The following SPTLC3 variants were observed in gnomAD, a reference collection of about 807,000 sequenced individuals.
The protein encoded by SPTLC3 is serine palmitoyltransferase long chain base subunit 3.
In SPTLC3, 36 loss-of-function variants were observed where a neutral mutation model predicts 59.3. The observed-to-expected ratio is 0.61, with a 90% confidence interval of 0.47 to 0.80. The LOEUF is 0.80. Among genes scored for constraint, SPTLC3 ranks in the 30% least tolerant of loss-of-function variants. SPTLC3 has a pLI of 0.00. For synonymous variants in SPTLC3, 257 were observed against 240.8 expected, an observed-to-expected ratio of 1.07 and a Z score of -0.62; for missense variants, 625 against 685.1, an observed-to-expected ratio of 0.91 and a Z score of 0.98.
At chr20:13,125,799 C>T (rs2037975289) in intron 8 of SPTLC3, among the ~76,000 whole-genome samples, 1 of 152,220 alleles carries the variant, frequency 6.6e-6, no homozygotes, top group South Asian at 2.1e-4. Context: ...AGAACCACCA[C>T]ACCATCACCT....
chr20:13,079,838 A>G, intron 4 of SPTLC3: 1 of 459,934 alleles, frequency 2.2e-6, no homozygotes, highest in Non-Finnish European at 4.5e-6. Flanking sequence ...CTGGTCATGG[A>G]AAATGGGCAG....
intron 4 of SPTLC3, among the ~76,000 whole-genome samples, chr20:13,087,407 G>A (rs1309438116): frequency 1.3e-5 from 2 of 152,130 alleles, no homozygotes; most frequent in African/African-American, 4.8e-5. Flanking sequence ...TATCAAGTTG[G>A]CAAAGTGTGG....
At chr20:13,098,894 A>G (rs1041673183) in intron 6 of SPTLC3, among the ~76,000 whole-genome samples, 3 of 152,166 alleles carry the variant, frequency 2.0e-5, no homozygotes, top group South Asian at 2.1e-4. Context: ...TGCCCTTCCC[A>G]ACTAATTGAG....
intron 10 of SPTLC3, among the ~76,000 whole-genome samples, chr20:13,155,617 G>A (rs2038750073): frequency 6.6e-6 from 1 of 152,088 alleles, no homozygotes; most frequent in Non-Finnish European, 1.5e-5. Context: ...ATGAGGTCAG[G>A]AGATCGAAAC....
At chr20:13,126,351 A>G (rs2037989914) in intron 8 of SPTLC3, among the ~76,000 whole-genome samples, 1 of 152,116 alleles carries the variant, frequency 6.6e-6, no homozygotes, top group African/African-American at 2.4e-5. Context: ...TTAAAGTTCA[A>G]CTCCAAACCT....
intron 2 of SPTLC3, among the ~76,000 whole-genome samples, chr20:13,068,313 A>G (rs996293659): frequency 1.4e-4 from 21 of 152,322 alleles, no homozygotes; most frequent in Admixed American, 1.0e-3. Flanking sequence ...AGCCATTTGT[A>G]TAGAAAGCAA....
At chr20:13,049,320 T>G (rs749562905) in intron 2 of SPTLC3, 190 bp downstream of exon 2, 10 of 618,590 alleles carry the variant, frequency 1.6e-5, no homozygotes, top group South Asian at 1.5e-4. Flanking sequence ...TACAAACATC[T>G]CATGGGCAAC....
At chr20:13,082,169 G>A (rs1372603811) in intron 4 of SPTLC3, among the ~76,000 whole-genome samples, 1 of 152,140 alleles carries the variant, frequency 6.6e-6, no homozygotes, top group African/African-American at 2.4e-5. Context: ...AAACAATGTT[G>A]AAACTCATAG....
intron 2 of SPTLC3, among the ~76,000 whole-genome samples, chr20:13,068,160 T>A (rs544435803): frequency 6.6e-6 from 1 of 152,306 alleles, no homozygotes; most frequent in East Asian, 1.9e-4. Flanking sequence ...CGTACAAATA[T>A]AAAGATTGAA....
intron 1 of SPTLC3, among the ~76,000 whole-genome samples, chr20:13,036,734 T>A (rs1986752062): frequency 6.6e-6 from 1 of 152,064 alleles, no homozygotes; most frequent in African/African-American, 2.4e-5. Context: ...CAGAGTTGAT[T>A]TGGGACATAA....
intron 1 of SPTLC3, among the ~76,000 whole-genome samples, chr20:13,015,124 C>T (rs1266771967): frequency 6.6e-6 from 1 of 152,052 alleles, no homozygotes; most frequent in African/African-American, 2.4e-5. Context: ...ATCTAATGGG[C>T]TAATCATCAT....
intron 6 of SPTLC3, among the ~76,000 whole-genome samples, chr20:13,094,904 A>T (rs1304553747): frequency 6.6e-6 from 1 of 152,210 alleles, no homozygotes; most frequent in Non-Finnish European, 1.5e-5. Flanking sequence ...GCTTAATGTC[A>T]TTCAAAATAC....
At chr20:13,065,723 T>C (rs1456599633) in intron 2 of SPTLC3, among the ~76,000 whole-genome samples, 2 of 151,982 alleles carry the variant, frequency 1.3e-5, no homozygotes, top group African/African-American at 4.8e-5. Context: ...TTATACTTAG[T>C]ACAGTTGTTT....
intron 6 of SPTLC3, among the ~76,000 whole-genome samples, chr20:13,095,532 G>C (rs1401021263): frequency 6.6e-6 from 1 of 152,120 alleles, no homozygotes. Flanking sequence ...GACCAACTGG[G>C]AGACTAAACG....
At chr20:13,044,592 T>C (rs879167299) in intron 1 of SPTLC3, among the ~76,000 whole-genome samples, 2 of 152,192 alleles carry the variant, frequency 1.3e-5, no homozygotes, top group Admixed American at 1.3e-4. Flanking sequence ...AATATGTCTC[T>C]AAAAGCAGCA....
intron 1 of SPTLC3, among the ~76,000 whole-genome samples, chr20:13,027,641 GCACACACACACA>G (rs57913044): frequency 0.027 from 3,898 of 144,240 alleles, 159 homozygotes; most frequent in African/African-American, 0.094. Flanking sequence ...ATTTCAGCAC[GCACACACACACA>G]CACACACACA....
intron 9 of SPTLC3, among the ~76,000 whole-genome samples, chr20:13,135,814 A>G (rs185443218): frequency 1.3e-5 from 2 of 152,364 alleles, no homozygotes; most frequent in Admixed American, 6.5e-5. Context: ...AAGAAAAATC[A>G]TAATGTCTCT....
intron 1 of SPTLC3, among the ~76,000 whole-genome samples, chr20:13,028,859 A>T (rs1327405172): frequency 6.6e-6 from 1 of 152,190 alleles, no homozygotes; most frequent in Non-Finnish European, 1.5e-5. Flanking sequence ...GGACACTCGT[A>T]TCCTTTACTG....
rs536525088 is a variant in SPTLC3, at chr20:13,078,278, A to G, written c.607+3781A>G. 2.7e-3 allele frequency among the ~76,000 whole-genome samples: 411 copies of G among 150,144 alleles called. 3 individuals carry two copies. The highest frequency in any genetic ancestry group is 9.1e-3 in the African/African-American group (376 of 41,230). Reference sequence around the variant, plus strand: ...GAGACTAACAGTACCTTCAAATAACAGAATAACATAATCAAGTAATTCTAT... The same window carrying G: ...GAGACTAACAGTACCTTCAAATAACGGAATAACATAATCAAGTAATTCTAT... On this transcript the variant is annotated intron_variant, in intron 4 of 11. Transcript: ENST00000399002.
Sources: allele counts gnomAD v4.1 joint callset (sites outside exome capture counted in the v4.1 genomes callset), GRCh38; gene constraint gnomAD v4.1.1; transcripts MANE v1.5; gene names NCBI Gene and HGNC (gene_info 2026-07-23, HGNC 2026-07-21).